Variants in PACSIN2 observed in about 807,000 individuals in gnomAD.
PACSIN2 encodes protein kinase C and casein kinase substrate in neurons 2, also known as protein kinase C and casein kinase substrate in neurons protein 2.
PACSIN2 carries 25 observed loss-of-function variants against 63.8 expected under a neutral mutation model. The observed-to-expected ratio is 0.39, with a 90% CI of 0.29 to 0.55. The LOEUF is 0.55. Among genes scored for constraint, PACSIN2 ranks in the 20% least tolerant of loss-of-function variants. The pLI is 0.62. For missense variants in PACSIN2, 518 were observed against 646.9 expected (o/e 0.80, Z 2.16); for synonymous variants, 255 against 256.2 (o/e 1.00, Z 0.05).
chr22:42,974,692 T>A (rs1399477345), intron 1 of PACSIN2, among the ~76,000 whole-genome samples: 1 of 144,672 alleles, frequency 6.9e-6, no homozygotes, highest in Non-Finnish European at 1.5e-5. Context: ...GAGGTTGCAG[T>A]GAGTTGAGAT....
chr22:42,893,153 C>T (rs184071583), intron 3 of PACSIN2, among the ~76,000 whole-genome samples: 52 of 152,344 alleles, frequency 3.4e-4, no homozygotes, highest in African/African-American at 1.1e-3. Context: ...AGGCCTTCCA[C>T]GTGATAGGAA....
chr22:42,900,919 A>G (rs935027996), intron 2 of PACSIN2, among the ~76,000 whole-genome samples: 2 of 152,214 alleles, frequency 1.3e-5, no homozygotes, highest in Non-Finnish European at 2.9e-5. Context: ...CCAAGTCAAC[A>G]TGAGATGATG....
chr22:42,972,642 A>G (rs1436908742), intron 1 of PACSIN2, among the ~76,000 whole-genome samples: 1 of 152,230 alleles, frequency 6.6e-6, no homozygotes, highest in Non-Finnish European at 1.5e-5. Context: ...GGATGGGCCC[A>G]AAGTGGCCAA....
chr22:42,960,665 G>A (rs781557560), intron 1 of PACSIN2, among the ~76,000 whole-genome samples: 1 of 151,942 alleles, frequency 6.6e-6, no homozygotes, highest in Admixed American at 6.6e-5. Flanking sequence ...ACAAGAAAAG[G>A]CGTAACTAAT....
At chr22:42,945,081 G>C (rs1330694801) in intron 1 of PACSIN2, among the ~76,000 whole-genome samples, 1 of 139,402 alleles carries the variant, frequency 7.2e-6, no homozygotes, top group Non-Finnish European at 1.5e-5. Flanking sequence ...CTGGACGACA[G>C]GGCAAGACTC....
intron 1 of PACSIN2, among the ~76,000 whole-genome samples, chr22:42,939,753 C>T (rs1246189255): frequency 6.6e-6 from 1 of 152,180 alleles, no homozygotes; most frequent in African/African-American, 2.4e-5. Flanking sequence ...TGTTTCCTTA[C>T]CTACAAGAGG....
intron 1 of PACSIN2, among the ~76,000 whole-genome samples, chr22:42,945,006 G>A (rs755325130): frequency 2.6e-5 from 4 of 151,824 alleles, no homozygotes; most frequent in Non-Finnish European, 4.4e-5. Flanking sequence ...GCTGAGGCAG[G>A]AGAATCACTT....
rs1928036593 is a variant in PACSIN2, at chr22:42,870,671, T to C, written c.*686A>G. 6.6e-6 allele frequency: 1 copy of C among 152,238 alleles called. No homozygotes were observed. Among genetic ancestry groups the C allele is most frequent in the Non-Finnish European group, 1.5e-5 (1 of 68,052 alleles). The allele number at this position is 152,238 out of a possible 1,614,324, so 9.4% of individuals were successfully genotyped here. A position where few individuals can be genotyped will look rare whatever the true frequency, so the allele number is the denominator to read the frequency against. ...TTTGGGGGAGTTCTACCTAAGGTTC[T>C]ATGTAAAGCTTCCATTCAGATGCCC... On this transcript the variant is annotated 3_prime_UTR_variant, in exon 11 of 11. Coordinates refer to ENST00000263246, the MANE Select transcript of PACSIN2 (RefSeq NM_001184970.3).
At chr22:42,968,518 T>A (rs1041206306) in intron 1 of PACSIN2, among the ~76,000 whole-genome samples, 3 of 152,190 alleles carry the variant, frequency 2.0e-5, no homozygotes, top group African/African-American at 7.2e-5. Flanking sequence ...TTGGCATGTG[T>A]CATGGTTAGT....
chr22:42,982,625 G>A (rs1344289650), intron 1 of PACSIN2, among the ~76,000 whole-genome samples: 5 of 125,716 alleles, frequency 4.0e-5, no homozygotes, highest in African/African-American at 1.6e-4. Context: ...GGGTTAAATG[G>A]ATTAAGGGCG....
chr22:42,967,151 G>C (rs971634585), intron 1 of PACSIN2, among the ~76,000 whole-genome samples: 1 of 152,164 alleles, frequency 6.6e-6, no homozygotes, highest in Non-Finnish European at 1.5e-5. Flanking sequence ...GGCTGGGACA[G>C]GGGGCCAGGA....
intron 1 of PACSIN2, among the ~76,000 whole-genome samples, chr22:43,001,409 G>C (rs1923758762): frequency 6.6e-6 from 1 of 152,236 alleles, no homozygotes; most frequent in African/African-American, 2.4e-5. Context: ...CCAGAGCAAA[G>C]TACAATTTCC....
intron 1 of PACSIN2, among the ~76,000 whole-genome samples, chr22:42,940,194 G>A (rs533799418): frequency 1.3e-5 from 2 of 152,314 alleles, no homozygotes; most frequent in South Asian, 4.1e-4. Context: ...CAAGTGGAAA[G>A]CATGCACGGG....
intron 1 of PACSIN2, among the ~76,000 whole-genome samples, chr22:42,937,723 C>T (rs1302098808): frequency 6.6e-6 from 1 of 152,182 alleles, no homozygotes; most frequent in Non-Finnish European, 1.5e-5. Context: ...ACCAAGGCCC[C>T]ACTGTGGGTG....
rs529972947 is a variant in PACSIN2, at chr22:43,006,356, GCA to G, written c.-78+8663_-78+8664del. Among the ~76,000 whole-genome samples, 493 of 152,214 alleles carry G rather than the reference GCA, an allele frequency of 3.2e-3. 2 individuals are homozygous for G. The highest frequency in any genetic ancestry group is 0.011 in the African/African-American group (467 of 41,526). On this transcript the variant is annotated intron_variant, in intron 1 of 10. Coordinates refer to ENST00000263246, the MANE Select transcript of PACSIN2 (RefSeq NM_001184970.3). ...ACATTGAAACATTTGGCCAAAAGCCGCACAGTCACCTAGTGATGGAGCTCGAA... is the reference window on the plus strand; with the variant it reads ...ACATTGAAACATTTGGCCAAAAGCCGCAGTCACCTAGTGATGGAGCTCGAA...
intron 2 of PACSIN2, among the ~76,000 whole-genome samples, chr22:42,900,648 ATT>A (rs534032792): frequency 3.3e-4 from 50 of 152,050 alleles, no homozygotes; most frequent in African/African-American, 1.2e-3. Context: ...AATTTTTTAT[ATT>A]TTTTGTAGAG....
chr22:42,929,909 G>GGCCT (rs1398676264), intron 1 of PACSIN2, among the ~76,000 whole-genome samples: 1 of 152,098 alleles, frequency 6.6e-6, no homozygotes, highest in Non-Finnish European at 1.5e-5. Context: ...TCTGCTGCCT[G>GGCCT]GCCTGCCTGC....
At chr22:43,004,314 T>G (rs1923951277) in intron 1 of PACSIN2, among the ~76,000 whole-genome samples, 1 of 152,176 alleles carries the variant, frequency 6.6e-6, no homozygotes, top group African/African-American at 2.4e-5. Flanking sequence ...CCTCAGAAAC[T>G]TCAGAACATG....
chr22:42,924,445 C>T (rs1328477295), intron 1 of PACSIN2, among the ~76,000 whole-genome samples: 1 of 152,220 alleles, frequency 6.6e-6, no homozygotes, highest in Non-Finnish European at 1.5e-5. Flanking sequence ...AACAATCTGA[C>T]TTCAGTCCAC....
Sources: allele counts gnomAD v4.1 joint callset (sites outside exome capture counted in the v4.1 genomes callset), GRCh38; gene constraint gnomAD v4.1.1; transcripts MANE v1.5; gene names NCBI Gene and HGNC (gene_info 2026-07-23, HGNC 2026-07-21).